Variants in RASGRF1 observed in about 807,000 individuals in gnomAD.
The protein encoded by RASGRF1 is ras-specific guanine nucleotide-releasing factor 1.
In RASGRF1, 40 loss-of-function variants were observed where a neutral mutation model predicts 138.7. The ratio of observed to expected loss-of-function variants is 0.29; its 90% CI spans 0.22 to 0.38. The LOEUF (loss-of-function observed/expected upper bound fraction) is 0.38. Ranked by LOEUF, RASGRF1 falls within the 10% of genes least tolerant of loss-of-function variation. RASGRF1 has a pLI of 1.00. For synonymous variants in RASGRF1, 614 were observed against 663.2 expected (o/e 0.93, Z 1.14); for missense variants, 1,108 against 1,650.4 (o/e 0.67, Z 5.69).
In RASGRF1 at chr15:79,090,334, C is replaced by T. The variant is rs1319016515; in HGVS notation, c.165G>A (p.Glu55=). 1.9e-6 allele frequency: 3 copies of T among 1,613,980 alleles called. No homozygotes were observed. The highest frequency in any genetic ancestry group is 2.5e-6 in the Non-Finnish European group (3 of 1,179,990). ...ALLQNLLFYF[E]SDSSSRPSGL... ...CCGAGGGCCGCGAGCTCGAGTCGCTCTCGAAGTAGAAGAGCAGGTTCTGCA... is the reference window on the plus strand; with the variant it reads ...CCGAGGGCCGCGAGCTCGAGTCGCTTTCGAAGTAGAAGAGCAGGTTCTGCA... The change falls in exon 1 of 27, where the codon GAG becomes GAA. Residue 55 remains glutamate (E), a synonymous_variant. Transcript: ENST00000558480.
rs779668165 is a variant in RASGRF1, at chr15:79,058,383, C to G, written c.482G>C (p.Arg161Pro). 1 of 1,614,156 alleles carries G rather than the reference C, an allele frequency of 6.2e-7. No individual in the cohort carries two copies. The highest frequency in any genetic ancestry group is 8.5e-7 in the Non-Finnish European group (1 of 1,180,040). Residue 161 changes from arginine to proline, a missense_variant, in exon 3 of 27, where the codon CGG (arginine) becomes CCG (proline). Physicochemically the swap from Arg to Pro is moderately radical, Grantham distance 103 (BLOSUM62 -2). This residue lies in a region of RASGRF1 where 253 missense variants were observed against 329.5 expected (regional missense o/e 0.77). Coordinates refer to ENST00000558480, the MANE Select transcript of RASGRF1 (RefSeq NM_001145648.3). ...GATCTCCCCATCCTCGATCTGCTGCCGAAGCTGCTTGGCCACGGTCTTCTC... is the reference window on the plus strand; with the variant it reads ...GATCTCCCCATCCTCGATCTGCTGCGGAAGCTGCTTGGCCACGGTCTTCTC... ...ETEKTVAKQL[R>P]QQIEDGEIEI...
chr15:78,979,050 T>G (rs1211023936), intron 24 of RASGRF1: 2 of 1,291,750 alleles, frequency 1.5e-6, no homozygotes, highest in South Asian at 1.2e-5. Flanking sequence ...GCCAGCCATG[T>G]GAGGAGGTGG....
chr15:79,027,991 T>C lies in RASGRF1; in HGVS notation c.1263-132A>G. The C allele has an allele frequency of 7.7e-6, 7 of 912,934 alleles. No homozygotes were observed. The highest frequency in any genetic ancestry group is 1.2e-5 in the Non-Finnish European group (7 of 575,754). The allele number at this position is 912,934 out of a possible 1,614,324, so 56.6% of individuals were successfully genotyped here. ...GATTCTCAGGTGGAGTCTGTGGTCATGGAGGGGAAGGGAGTGTGCATTTAC... is the reference window on the plus strand; with the variant it reads ...GATTCTCAGGTGGAGTCTGTGGTCACGGAGGGGAAGGGAGTGTGCATTTAC... On this transcript the variant is annotated intron_variant, in intron 8 of 26. Coordinates refer to ENST00000558480, the MANE Select transcript of RASGRF1 (RefSeq NM_001145648.3). The surrounding 1 kb of genome is among the most constrained non-coding windows in gnomAD (Gnocchi z 4.8).
At chr15:79,002,444 T>C (rs2056551503) in intron 15 of RASGRF1, among the ~76,000 whole-genome samples, 1 of 152,204 alleles carries the variant, frequency 6.6e-6, no homozygotes, top group East Asian at 1.9e-4. Context: ...AAAGTGGATG[T>C]AGTTGCATCT....
intron 1 of RASGRF1, among the ~76,000 whole-genome samples, chr15:79,087,774 G>A (rs961203494): frequency 1.1e-4 from 17 of 152,224 alleles, no homozygotes; most frequent in African/African-American, 1.9e-4. Flanking sequence ...ATGTGTAGCC[G>A]GAAGGAGCAG....
intron 22 of RASGRF1, among the ~76,000 whole-genome samples, chr15:78,986,921 A>AT (rs982560222): frequency 1.3e-5 from 2 of 152,210 alleles, no homozygotes; most frequent in Non-Finnish European, 2.9e-5. Flanking sequence ...AGTAGTTAAA[A>AT]TTTTTTTCCA....
chr15:79,003,891 T>G lies in RASGRF1; in HGVS notation c.2360A>C (p.Tyr787Ser). Reference sequence around the variant, plus strand: ...CTTGTTGGTGAAGCTGCTGGACACATAGAGCTTGCTGGTGTCCAGCGTGGC... The same window carrying G: ...CTTGTTGGTGAAGCTGCTGGACACAGAGAGCTTGCTGGTGTCCAGCGTGGC... ...SKATLDTSKL[Y>S]VSSSFTNKIP... The change falls in exon 15 of 27, where the codon TAT (tyrosine) becomes TCT (serine). Residue 787 changes from tyrosine (Y) to serine (S), a missense_variant. Tyr to Ser is a moderately radical substitution (Grantham distance 144, BLOSUM62 -2). Around this residue, in one of 3 missense-constraint regions of RASGRF1, gnomAD observed 686 missense variants for 976.7 expected, o/e 0.70. Transcript: ENST00000558480. The G allele has an allele frequency of 2.5e-6, 4 of 1,614,074 alleles. No individual in the cohort carries two copies. Among genetic ancestry groups the G allele is most frequent in the Non-Finnish European group, 3.4e-6 (4 of 1,179,992 alleles).
Position 79,032,144 on chromosome 15 carries a change from G to A in RASGRF1, c.1131C>T (p.Phe377=). The change falls in exon 7 of 27, where the codon TTC becomes TTT. Residue 377 remains phenylalanine (F), a synonymous_variant. Coordinates refer to ENST00000558480, the MANE Select transcript of RASGRF1 (RefSeq NM_001145648.3). This position sits in a 1 kb window ranked among gnomAD's most constrained non-coding sequence, Gnocchi z 4.5. ...CCACCTGGAACATGGGGTAGGTGAG[G>A]AAGGTCTCCAGCGTCCTCTCCTCGC... ...PDCEERTLET[F]LTYPMFQIPR... 6.2e-7 allele frequency: 1 copy of A among 1,614,002 alleles called. No individual in the cohort carries two copies. The highest frequency in any genetic ancestry group is 1.3e-5 in the African/African-American group (1 of 75,030).
At chr15:79,076,520 G>T (rs1482932034) in intron 1 of RASGRF1, among the ~76,000 whole-genome samples, 4 of 152,212 alleles carry the variant, frequency 2.6e-5, no homozygotes, top group African/African-American at 7.2e-5. Flanking sequence ...CCCATCTGAG[G>T]CTCCTGGGAA....
chr15:79,088,580 C>A (rs371370659), intron 1 of RASGRF1, among the ~76,000 whole-genome samples: 1 of 152,162 alleles, frequency 6.6e-6, no homozygotes, highest in East Asian at 1.9e-4. Flanking sequence ...TGGCTTCCCC[C>A]ACCCCTCACT....
intron 3 of RASGRF1, among the ~76,000 whole-genome samples, chr15:79,055,451 A>C (rs1014362125): frequency 6.6e-6 from 1 of 152,146 alleles, no homozygotes; most frequent in African/African-American, 2.4e-5. Flanking sequence ...TATGGCCAGA[A>C]AGCTTTCCCA....
Position 78,961,146 on chromosome 15 carries a change from T to C in RASGRF1, c.*998A>G, listed in dbSNP as rs939216956. 1.3e-5 allele frequency: 2 copies of C among 152,210 alleles called. No individual in the cohort carries two copies. The highest frequency in any genetic ancestry group is 4.8e-5 in the African/African-American group (2 of 41,458). 9.4% of individuals were successfully genotyped at this position (152,210 alleles called of 1,614,324 possible). A position where few individuals can be genotyped will look rare whatever the true frequency, so the allele number is the denominator to read the frequency against. ...ACTGTACAGTGTAAAAAATACATGG[T>C]AATATTCACAGAATAAGCACTACAT... is the stretch of plus-strand genomic sequence containing the variant. On this transcript the variant is annotated 3_prime_UTR_variant, in exon 27 of 27. Coordinates refer to ENST00000558480, the MANE Select transcript of RASGRF1 (RefSeq NM_001145648.3).
chr15:78,984,224 A>G (rs2056099580), intron 23 of RASGRF1, among the ~76,000 whole-genome samples: 1 of 152,112 alleles, frequency 6.6e-6, no homozygotes, highest in Admixed American at 6.5e-5. Flanking sequence ...CACTGCTGCC[A>G]AGGGATTGTG....
At chr15:79,068,349 T>C (rs1032604459) in intron 1 of RASGRF1, among the ~76,000 whole-genome samples, 1 of 150,434 alleles carries the variant, frequency 6.6e-6, no homozygotes, top group Non-Finnish European at 1.5e-5. Context: ...TTATCTGGTG[T>C]CAGTTCTGCA....
At chr15:79,061,197 G>A (rs1039490608) in intron 2 of RASGRF1, among the ~76,000 whole-genome samples, 2 of 152,064 alleles carry the variant, frequency 1.3e-5, no homozygotes, top group South Asian at 2.1e-4. Flanking sequence ...CAACAAGAAC[G>A]AGCCTGGAAG....
intron 20 of RASGRF1, among the ~76,000 whole-genome samples, chr15:78,993,774 G>A (rs1352790830): frequency 6.6e-6 from 1 of 152,128 alleles, no homozygotes; most frequent in African/African-American, 2.4e-5. Context: ...GCGCTGTGGG[G>A]CCCAGAGGCC....
intron 1 of RASGRF1, among the ~76,000 whole-genome samples, chr15:79,064,823 T>C (rs1388690490): frequency 6.6e-6 from 1 of 152,194 alleles, no homozygotes; most frequent in Non-Finnish European, 1.5e-5. Flanking sequence ...TCAGGCGCGC[T>C]GGAGGGAAGG....
At chr15:78,988,926 T>C (rs1482033323) in intron 22 of RASGRF1, among the ~76,000 whole-genome samples, 1 of 146,772 alleles carries the variant, frequency 6.8e-6, no homozygotes, top group East Asian at 2.1e-4. Flanking sequence ...TTAGGAGACC[T>C]CAGCATTTGC....
chr15:78,979,252 G>C, intron 24 of RASGRF1: 1 of 1,185,600 alleles, frequency 8.4e-7, no homozygotes, highest in Non-Finnish European at 1.1e-6. Context: ...ATGGCACACA[G>C]AGCTGGCAAA....
Sources: allele counts gnomAD v4.1 joint callset (sites outside exome capture counted in the v4.1 genomes callset), GRCh38; gene constraint gnomAD v4.1.1; regional missense constraint gnomAD v4.1.1; non-coding constraint Gnocchi (gnomAD v3.1); transcripts MANE v1.5; gene names NCBI Gene and HGNC (gene_info 2026-07-23, HGNC 2026-07-21).